The following ATXN1 variants were observed in gnomAD, a reference collection of about 807,000 sequenced individuals.
ATXN1 encodes the protein ataxin 1, also known as ataxin-1.
ATXN1 carries 8 observed loss-of-function variants against 56.4 expected under a neutral mutation model. The observed-to-expected ratio is 0.14, with a 90% CI of 0.08 to 0.26. ATXN1 has a LOEUF of 0.26. Ranked by LOEUF, ATXN1 falls within the 10% of genes least tolerant of loss-of-function variation. The pLI is 1.00. For synonymous variants in ATXN1, 514 were observed against 494.6 expected (o/e 1.04, Z -0.52); for missense variants, 987 against 1,106.5 (o/e 0.89, Z 1.53).
chr6:16,360,075 A>G (rs1761775974), intron 6 of ATXN1, among the ~76,000 whole-genome samples: 1 of 152,228 alleles, frequency 6.6e-6, no homozygotes, highest in Non-Finnish European at 1.5e-5. Flanking sequence ...GACGTAAAAA[A>G]TAAAAATAAA....
intron 6 of ATXN1, among the ~76,000 whole-genome samples, chr6:16,398,006 T>C (rs909760923): frequency 1.1e-4 from 16 of 152,348 alleles, no homozygotes; most frequent in African/African-American, 3.8e-4. Flanking sequence ...TAGACAGGAC[T>C]CAAATCCAGA....
At chr6:16,749,771 C>T (rs1043219304) in intron 2 of ATXN1, among the ~76,000 whole-genome samples, 3 of 152,162 alleles carry the variant, frequency 2.0e-5, no homozygotes, top group African/African-American at 7.2e-5. Flanking sequence ...TTCAGTCATC[C>T]CCCTCCTGGG....
intron 6 of ATXN1, among the ~76,000 whole-genome samples, chr6:16,443,911 T>G (rs536128947): frequency 2.6e-5 from 4 of 152,150 alleles, no homozygotes; most frequent in African/African-American, 9.6e-5. Flanking sequence ...GGTCAGGAGA[T>G]CGAGACCATC....
At chr6:16,517,209 G>C (rs539084377) in intron 5 of ATXN1, among the ~76,000 whole-genome samples, 2 of 152,254 alleles carry the variant, frequency 1.3e-5, no homozygotes, top group Admixed American at 1.3e-4. Context: ...AATGTCTTTA[G>C]GTCTATTTAA....
intron 2 of ATXN1, among the ~76,000 whole-genome samples, chr6:16,658,446 T>A (rs1241044357): frequency 2.0e-5 from 2 of 99,756 alleles, no homozygotes; most frequent in Non-Finnish European, 3.7e-5. Flanking sequence ...GTTTCCCTTG[T>A]GTGATTCTTG....
chr6:16,379,937 A>C (rs1762217859), intron 6 of ATXN1, among the ~76,000 whole-genome samples: 1 of 152,230 alleles, frequency 6.6e-6, no homozygotes, highest in African/African-American at 2.4e-5. Flanking sequence ...AGAAGGAACA[A>C]AATAGGAAAC....
Position 16,555,320 on chromosome 6 carries a change from G to A in ATXN1, c.-361+30460C>T, listed in dbSNP as rs147859866. Among the ~76,000 whole-genome samples the A allele has an allele frequency of 3.3e-4, 50 of 152,090 alleles. 1 individual carries two copies. In the East Asian group the frequency reaches 8.7e-3, roughly 27 times the overall value. ...GTGCTAGATGTACAACATCTCATAA[G>A]TACATACAAAAGCCGTGAACTGTAG... On this transcript the variant is annotated intron_variant, in intron 4 of 7. Coordinates refer to ENST00000436367, the MANE Select transcript of ATXN1 (RefSeq NM_001128164.2).
intron 6 of ATXN1, among the ~76,000 whole-genome samples, chr6:16,456,784 T>C (rs1759885130): frequency 6.6e-6 from 1 of 152,194 alleles, no homozygotes; most frequent in Admixed American, 6.5e-5. Flanking sequence ...GGATGATTTC[T>C]AATATAAATT....
At chr6:16,415,543 T>C (rs1758885571) in intron 6 of ATXN1, among the ~76,000 whole-genome samples, 1 of 152,234 alleles carries the variant, frequency 6.6e-6, no homozygotes, top group African/African-American at 2.4e-5. Context: ...GTGGTTATTA[T>C]TTCAACACAG....
At chr6:16,443,845 G>A (rs908493559) in intron 6 of ATXN1, among the ~76,000 whole-genome samples, 21 of 152,296 alleles carry the variant, frequency 1.4e-4, no homozygotes, top group Middle Eastern at 3.4e-3. Context: ...GGCCAGGCAC[G>A]ATGGCTCATG....
intron 3 of ATXN1, among the ~76,000 whole-genome samples, chr6:16,622,591 A>G (rs1763338017): frequency 6.6e-6 from 1 of 152,208 alleles, no homozygotes; most frequent in Non-Finnish European, 1.5e-5. Context: ...CATTCAAGAA[A>G]AGCTTCTCTC....
intron 6 of ATXN1, among the ~76,000 whole-genome samples, chr6:16,467,346 T>G (rs1188134209): frequency 6.6e-6 from 1 of 152,264 alleles, no homozygotes; most frequent in Non-Finnish European, 1.5e-5. Context: ...GGAGTTAGCA[T>G]GAAGCGTGGT....
chr6:16,312,987 C>T (rs1207699011), intron 7 of ATXN1, among the ~76,000 whole-genome samples: 1 of 152,204 alleles, frequency 6.6e-6, no homozygotes, highest in Non-Finnish European at 1.5e-5. Context: ...AAGCTATTCT[C>T]CTGTCTCAGC....
At chr6:16,434,053 G>A (rs2113586061) in intron 6 of ATXN1, among the ~76,000 whole-genome samples, 1 of 152,296 alleles carries the variant, frequency 6.6e-6, no homozygotes, top group Admixed American at 6.5e-5. Flanking sequence ...CATATGCTAT[G>A]GGTTACATTT....
At chr6:16,365,895 G>C (rs1440420218) in intron 6 of ATXN1, among the ~76,000 whole-genome samples, 1 of 152,106 alleles carries the variant, frequency 6.6e-6, no homozygotes, top group Non-Finnish European at 1.5e-5. Flanking sequence ...TTACATGCCT[G>C]CCTGTAATGG....
At chr6:16,671,958 A>C (rs1231614948) in intron 2 of ATXN1, among the ~76,000 whole-genome samples, 1 of 152,186 alleles carries the variant, frequency 6.6e-6, no homozygotes, top group African/African-American at 2.4e-5. Flanking sequence ...TTTGTTTTAA[A>C]ATAGGTATTT....
chr6:16,323,343 A>C (rs983857068), intron 7 of ATXN1, among the ~76,000 whole-genome samples: 1 of 151,926 alleles, frequency 6.6e-6, no homozygotes, highest in Non-Finnish European at 1.5e-5. Context: ...ACATGGTGAA[A>C]CCCTGTCTCT....
chr6:16,447,854 G>A (rs1269682931), intron 6 of ATXN1, among the ~76,000 whole-genome samples: 1 of 152,138 alleles, frequency 6.6e-6, no homozygotes, highest in African/African-American at 2.4e-5. Context: ...GAGCATCTGC[G>A]TTTTATTTTT....
rs116827506 is a variant in ATXN1, at chr6:16,636,847, T to C, written c.-489+20929A>G. Among the ~76,000 whole-genome samples, 1,469 of 152,248 alleles carry C rather than the reference T, an allele frequency of 9.6e-3. 28 individuals are homozygous for C. The highest frequency in any genetic ancestry group is 0.033 in the African/African-American group (1,388 of 41,552). On this transcript the variant is annotated intron_variant, in intron 3 of 7. Transcript: ENST00000436367. The stretch of plus-strand genomic sequence containing the variant: ...CGGCCTGGGAATAATAAAGGAACTC[T>C]TTGAAAAAGGAAGAAAGTGGAGAAA...
Sources: allele counts gnomAD v4.1 joint callset (sites outside exome capture counted in the v4.1 genomes callset), GRCh38; gene constraint gnomAD v4.1.1; transcripts MANE v1.5; gene names NCBI Gene and HGNC (gene_info 2026-07-23, HGNC 2026-07-21).